Variants in VPS8 observed in about 807,000 individuals in gnomAD.
VPS8 encodes the protein vacuolar protein sorting-associated protein 8 homolog.
VPS8 carries 129 observed loss-of-function variants against 216.4 expected under a neutral mutation model. The observed-to-expected ratio is 0.60, with a 90% CI of 0.52 to 0.69. The LOEUF (loss-of-function observed/expected upper bound fraction) is 0.69. Among genes scored for constraint, VPS8 ranks in the 30% least tolerant of loss-of-function variants. VPS8 has a pLI of 0.00. For synonymous variants in VPS8, 571 were observed against 565.4 expected (o/e 1.01, Z -0.14); for missense variants, 1,531 against 1,683.5 (o/e 0.91, Z 1.59).
At chr3:184,854,694 C>G (rs1724919888) in intron 13 of VPS8, among the ~76,000 whole-genome samples, 1 of 152,168 alleles carries the variant, frequency 6.6e-6, no homozygotes, top group South Asian at 2.1e-4. Flanking sequence ...CTGCCTGCAG[C>G]TTTGGCACTG....
chr3:184,955,417 G>T (rs1745411442), intron 36 of VPS8, among the ~76,000 whole-genome samples: 1 of 152,168 alleles, frequency 6.6e-6, no homozygotes. Context: ...CTACCTAAAA[G>T]GGAAGGGCCC....
intron 8 of VPS8, among the ~76,000 whole-genome samples, chr3:184,844,224 C>G: frequency 6.6e-6 from 1 of 152,062 alleles, no homozygotes; most frequent in East Asian, 1.9e-4. Flanking sequence ...TAGTTCGAGA[C>G]CAGCCTGGCC....
chr3:185,029,071 G>A (rs773218401), intron 46 of VPS8, among the ~76,000 whole-genome samples: 10 of 152,272 alleles, frequency 6.6e-5, no homozygotes, highest in Admixed American at 3.3e-4. Context: ...CCAGTACTCC[G>A]AGTGAGATTT....
intron 22 of VPS8, among the ~76,000 whole-genome samples, chr3:184,892,137 C>T (rs1385688938): frequency 2.0e-5 from 3 of 152,068 alleles, no homozygotes; most frequent in African/African-American, 4.8e-5. Flanking sequence ...GAAGTCAGCC[C>T]TTCTAGGAAA....
chr3:184,936,670 T>C (rs559236061), intron 35 of VPS8, among the ~76,000 whole-genome samples: 26 of 151,874 alleles, frequency 1.7e-4, no homozygotes, highest in Non-Finnish European at 3.5e-4. Flanking sequence ...AATGTACTTA[T>C]CCTAGAAATC....
Position 185,012,640 on chromosome 3 carries a change from A to G in VPS8, c.4003-11696A>G, listed in dbSNP as rs949174085. The stretch of plus-strand genomic sequence containing the variant: ...CTTACAAGGAGCCAAAGACAACAAT[A>G]AGAATGATGGCTGATTTCTCATTTA... On this transcript the variant is annotated intron_variant, in intron 45 of 47. Transcript: ENST00000625842. Among the ~76,000 whole-genome samples, 8 of 152,152 alleles carry G rather than the reference A, an allele frequency of 5.3e-5. No homozygotes were observed. In the East Asian group the frequency reaches 9.6e-4, roughly 18 times the overall value.
intron 45 of VPS8, among the ~76,000 whole-genome samples, chr3:185,012,638 A>G (rs1471191391): frequency 6.6e-6 from 1 of 152,026 alleles, no homozygotes; most frequent in Non-Finnish European, 1.5e-5. Context: ...AAAGACAACA[A>G]TAAGAATGAT....
chr3:184,960,388 C>G (rs947967165), intron 37 of VPS8, among the ~76,000 whole-genome samples: 1 of 152,122 alleles, frequency 6.6e-6, no homozygotes, highest in Non-Finnish European at 1.5e-5. Flanking sequence ...GACAAAATGA[C>G]TTAAAATGGC....
At chr3:184,879,005 A>G (rs936783675) in intron 21 of VPS8, among the ~76,000 whole-genome samples, 3 of 152,232 alleles carry the variant, frequency 2.0e-5, no homozygotes, top group African/African-American at 7.2e-5. Flanking sequence ...CTTATCTGAT[A>G]GTCTTTTAGA....
chr3:184,973,748 A>C (rs905983550), intron 40 of VPS8, among the ~76,000 whole-genome samples: 1 of 152,020 alleles, frequency 6.6e-6, no homozygotes, highest in Non-Finnish European at 1.5e-5. Flanking sequence ...CTATTCCTCC[A>C]TGAGGTCAAC....
At chr3:184,876,263 C>T (rs1387960443) in intron 21 of VPS8, among the ~76,000 whole-genome samples, 1 of 152,048 alleles carries the variant, frequency 6.6e-6, no homozygotes, top group Non-Finnish European at 1.5e-5. Flanking sequence ...TAGGATTCTT[C>T]ACAATACCCT....
intron 15 of VPS8, 146 bp downstream of exon 15, chr3:184,860,211 C>T: frequency 2.9e-6 from 2 of 700,728 alleles, no homozygotes; most frequent in South Asian, 4.7e-5. Flanking sequence ...GAGGCTCGTG[C>T]CTGTAGTCCC....
chr3:184,863,622 G>A (rs991733869), intron 16 of VPS8, among the ~76,000 whole-genome samples: 9 of 152,138 alleles, frequency 5.9e-5, no homozygotes, highest in Non-Finnish European at 1.0e-4. Context: ...CAAAGTTATG[G>A]CCTTAGCATT....
intron 25 of VPS8, among the ~76,000 whole-genome samples, chr3:184,909,343 A>C (rs1736069091): frequency 6.6e-6 from 1 of 152,210 alleles, no homozygotes; most frequent in South Asian, 2.1e-4. Context: ...CCAATTTGAC[A>C]GTTTTTACCA....
chr3:184,900,895 T>C, intron 24 of VPS8, 26 bp from the exon 25 acceptor site: 1 of 1,584,494 alleles, frequency 6.3e-7, no homozygotes, highest in Non-Finnish European at 8.6e-7. Flanking sequence ...ATGATGATGA[T>C]TGTTTTCCTA....
intron 46 of VPS8, among the ~76,000 whole-genome samples, chr3:185,040,110 CA>C (rs1230996236): frequency 6.6e-6 from 1 of 152,186 alleles, no homozygotes; most frequent in African/African-American, 2.4e-5. Context: ...CTCCCACCCT[CA>C]GGGAAGGCAC....
rs1393331081 is a variant in VPS8, at chr3:185,012,966, TCCTACGGGAAATAACTAAAAGCATTTC to T, written c.4003-11368_4003-11342del. Among the ~76,000 whole-genome samples, 294 of 149,706 alleles carry T rather than the reference TCCTACGGGAAATAACTAAAAGCATTTC, an allele frequency of 2.0e-3. 1 individual carries two copies. The highest frequency in any genetic ancestry group is 6.8e-3 in the African/African-American group (265 of 39,118). ...AGATTATAGATTAGCTAAAAGCATT[TCCTACGGGAAATAACTAAAAGCATTTC>T]CTACAGGAAATAAAGGGATGGGCTG... On this transcript the variant is annotated intron_variant, in intron 45 of 47. Coordinates refer to ENST00000625842, the MANE Select transcript of VPS8 (RefSeq NM_001009921.3).
At chr3:184,999,579 G>A in intron 44 of VPS8, 117 bp from the exon 45 acceptor site, 2 of 1,228,590 alleles carry the variant, frequency 1.6e-6, no homozygotes, top group Non-Finnish European at 2.2e-6. Context: ...ACCCTGTACA[G>A]CCATCAGTGC....
chr3:184,856,690 A>T (rs1725325994), intron 14 of VPS8, among the ~76,000 whole-genome samples: 1 of 152,122 alleles, frequency 6.6e-6, no homozygotes, highest in Admixed American at 6.6e-5. Context: ...TAAATCATGT[A>T]CATGTCTAGC....
Sources: allele counts gnomAD v4.1 joint callset (sites outside exome capture counted in the v4.1 genomes callset), GRCh38; gene constraint gnomAD v4.1.1; transcripts MANE v1.5; gene names NCBI Gene and HGNC (gene_info 2026-07-23, HGNC 2026-07-21).